The following RPS20 variants were observed in gnomAD, a reference collection of about 807,000 sequenced individuals.
RPS20 encodes ribosomal protein S20.
In RPS20, 3 loss-of-function variants were observed where a neutral mutation model predicts 15.3. That is an observed-to-expected ratio of 0.20 (90% confidence interval 0.09 to 0.51). The LOEUF (loss-of-function observed/expected upper bound fraction) is 0.51, where lower values mean the gene tolerates loss of function less well. Among genes scored for constraint, RPS20 ranks in the 20% least tolerant of loss-of-function variants. The pLI is 0.96. For synonymous variants in RPS20, 62 were observed against 47.8 expected (o/e 1.30, Z -1.23); for missense variants, 67 against 145.9 (o/e 0.46, Z 2.79).
At chr8:56,070,319 A>T (rs1053609733), downstream of RPS20, among the ~76,000 whole-genome samples, 2 of 152,122 alleles carry the variant, frequency 1.3e-5, no homozygotes, top group African/African-American at 4.8e-5. Context: ...CTCCATAACC[A>T]AGTAACTAAT....
At position 56,074,375 on chromosome 8, in the gene RPS20, C is replaced by T; in HGVS notation, c.3+6G>A. On this transcript the variant is annotated splice_donor_region_variant and intron_variant, in intron 1 of 3. Transcript: ENST00000009589. ...TTGCGCCGCCCGCCGCCGACTGCCGCCTCACCATGGCTGTTGCGCGCGGGC... is the reference window on the plus strand; with the variant it reads ...TTGCGCCGCCCGCCGCCGACTGCCGTCTCACCATGGCTGTTGCGCGCGGGC... 1 of 1,558,716 alleles carries T rather than the reference C, an allele frequency of 6.4e-7. No individual in the cohort carries two copies. The highest frequency in any genetic ancestry group is 8.6e-7 in the Non-Finnish European group (1 of 1,157,758).
chr8:56,068,614 C>G (rs1355965991), downstream of RPS20: 5 of 147,264 alleles, frequency 3.4e-5, no homozygotes, highest in East Asian at 9.9e-4. Flanking sequence ...GTCATGCAAT[C>G]AATAGGAGTC....
chr8:56,068,355 T>C (rs1309237431), downstream of RPS20: 1 of 152,128 alleles, frequency 6.6e-6, no homozygotes, highest in East Asian at 1.9e-4. Flanking sequence ...CTGGCCAAAA[T>C]GGCATAACCC....
At position 56,074,171 on chromosome 8, in the gene RPS20, T is replaced by C. The variant is rs1809861958; in HGVS notation, c.4-12A>G. 3.1e-6 allele frequency: 5 copies of C among 1,605,536 alleles called. No homozygotes were observed. The highest frequency in any genetic ancestry group is 4.2e-6 in the Non-Finnish European group (5 of 1,176,472). ...GTATCCTTAAAAGCCTATTATTAGATACATGAAAAAGAACAATAAGCCAAA... is the reference window on the plus strand; with the variant it reads ...GTATCCTTAAAAGCCTATTATTAGACACATGAAAAAGAACAATAAGCCAAA... On this transcript the variant is annotated splice_polypyrimidine_tract_variant and intron_variant, in intron 1 of 3. Transcript: ENST00000009589.
chr8:56,073,617 G>A, intron 3 of RPS20, 78 bp downstream of exon 3: 1 of 1,229,890 alleles, frequency 8.1e-7, no homozygotes, highest in Non-Finnish European at 1.2e-6. Flanking sequence ...AATTTTGGCA[G>A]CCGAACTCCT....
Position 56,073,222 on chromosome 8 carries a change from C to T in RPS20, c.228G>A (p.Thr76=), listed in dbSNP as rs540124601. Residue 76 remains threonine, a synonymous_variant, in exon 4 of 4, where the codon ACG becomes ACA. Transcript: ENST00000009589. ...RKTPCGEGSK[T]WDRFQMRIHK... ...GAATTCTCATCTGGAAACGATCCCA[C>T]GTCTTAGAACCTTCACCACAAGGAG... 555 of 1,606,120 alleles carry T rather than the reference C, an allele frequency of 3.5e-4. 3 individuals carry two copies. Among genetic ancestry groups the T allele is most frequent in the South Asian group, 3.4e-3 (309 of 91,080 alleles).
rs569842562 is a variant in RPS20 at position 56,074,481 on chromosome 8, C to G, written c.-98G>C. 7.5e-6 allele frequency: 10 copies of G among 1,334,886 alleles called. No individual in the cohort carries two copies. The highest frequency in any genetic ancestry group is 4.4e-5 in the African/African-American group (3 of 68,068). 82.7% of individuals were successfully genotyped at this position (1,334,886 alleles called of 1,614,324 possible). A position where few individuals can be genotyped will look rare whatever the true frequency, so the allele number is the denominator to read the frequency against. ...GCGTGCGGACCAAAAATCCTCAGCC[C>G]TTACGACCGCGTCTTCCTCAAAAAG... On this transcript the variant is annotated 5_prime_UTR_variant, in exon 1 of 4. Transcript: ENST00000009589.
chr8:56,073,332 C>G (rs1809821657), intron 3 of RPS20, 60 bp from the exon 4 acceptor site: 1 of 1,069,150 alleles, frequency 9.4e-7, no homozygotes, highest in African/African-American at 1.6e-5. Context: ...CCTAGAACAT[C>G]TGGAAAATCA....
At chr8:56,070,903 T>C (rs1809735343), downstream of RPS20, among the ~76,000 whole-genome samples, 3 of 152,242 alleles carry the variant, frequency 2.0e-5, no homozygotes, top group South Asian at 6.2e-4. Context: ...TTAACTCCCA[T>C]CCATACAAGA....
rs745355814 is a variant in RPS20, at chr8:56,074,421, C to A, written c.-38G>T. 6.4e-7 allele frequency: 1 copy of A among 1,550,826 alleles called. No individual in the cohort carries two copies. Among genetic ancestry groups the A allele is most frequent in the African/African-American group, 1.4e-5 (1 of 73,610 alleles). ...CGGGCTTCCTGACCGACTTGTTCCT[C>A]GGCGAGAGCGAACAGCGGTGAGTCA... On this transcript the variant is annotated 5_prime_UTR_variant, in exon 1 of 4. Transcript: ENST00000009589.
downstream of RPS20, among the ~76,000 whole-genome samples, chr8:56,071,857 T>C (rs1809765108): frequency 6.6e-6 from 1 of 152,248 alleles, no homozygotes; most frequent in African/African-American, 2.4e-5. Context: ...GAAGGCAATC[T>C]TAACAATTTG....
chr8:56,070,372 C>T (rs994199983), downstream of RPS20, among the ~76,000 whole-genome samples: 1 of 152,166 alleles, frequency 6.6e-6, no homozygotes, highest in African/African-American at 2.4e-5. Flanking sequence ...GATTCTACTT[C>T]TGTACTCTTG....
At chr8:56,074,303 G>A in intron 1 of RPS20, 78 bp downstream of exon 1, 8 of 1,545,814 alleles carry the variant, frequency 5.2e-6, no homozygotes, top group Non-Finnish European at 7.0e-6. Flanking sequence ...TCTGCCCTCA[G>A]GAGCACGAAC....
At position 56,073,727 on chromosome 8, in the gene RPS20, T is replaced by C. The variant is rs771623777; in HGVS notation, c.145A>G (p.Lys49Glu). The C allele has an allele frequency of 1.2e-6, 2 of 1,614,162 alleles. No homozygotes were observed. The highest frequency in any genetic ancestry group is 1.1e-5 in the South Asian group (1 of 91,086). Residue 49 changes from lysine to glutamate, a missense_variant, in exon 3 of 4, where the codon AAA becomes GAA. Coordinates refer to ENST00000009589, the MANE Select transcript of RPS20 (RefSeq NM_001023.4). Reference protein sequence around the residue: ...LIRGAKEKNLKVKGPVRMPTK... With the variant: ...LIRGAKEKNLEVKGPVRMPTK... ...GGCATTCGAACTGGTCCTTTCACTT[T>C]GAGATTCTTTTCTTTTGCGCCTCTT...
downstream of RPS20, among the ~76,000 whole-genome samples, chr8:56,071,349 G>A (rs534844668): frequency 6.6e-6 from 1 of 152,278 alleles, no homozygotes; most frequent in South Asian, 2.1e-4. Flanking sequence ...TTGTCTGGGG[G>A]CCACGTATTG....
In RPS20 at chr8:56,073,762, G is replaced by C. The variant is rs1467125889; in HGVS notation, c.110C>G (p.Ala37Gly). The change falls in exon 3 of 4, where the codon GCT becomes GGT. Residue 37 changes from alanine (A) to glycine (G), a missense_variant. Ala to Gly is a moderately conservative substitution (Grantham distance 60). Coordinates refer to ENST00000009589, the MANE Select transcript of RPS20 (RefSeq NM_001023.4). ...RNVKSLEKVC[A>G]DLIRGAKEKN... ...TTCTTTTGCGCCTCTTATCAAGTCA[G>C]CACACACTACAGGAAATAAAAGACC... The C allele has an allele frequency of 2.5e-6, 4 of 1,613,864 alleles. No homozygotes were observed. Among genetic ancestry groups the C allele is most frequent in the Non-Finnish European group, 2.5e-6 (3 of 1,179,788 alleles).
downstream of RPS20, among the ~76,000 whole-genome samples, chr8:56,071,247 T>G (rs996845261): frequency 1.3e-5 from 2 of 152,204 alleles, no homozygotes; most frequent in African/African-American, 4.8e-5. Flanking sequence ...TGGACTTTAG[T>G]GACATTTTTT....
chr8:56,068,807 CTTTTTTTTTTTTTTTTTTT>C (rs61576194), downstream of RPS20, among the ~76,000 whole-genome samples: 27 of 27,692 alleles, frequency 9.8e-4, no homozygotes, highest in South Asian at 0.011. Context: ...GTGAAAATAT[CTTTTTTTTTTTTTTTTTTT>C]TTTTTTTTTT....
downstream of RPS20, chr8:56,069,724 G>A (rs78022071): frequency 1.1e-3 from 1,744 of 1,550,878 alleles, 29 homozygotes; most frequent in East Asian, 0.035. Flanking sequence ...CTTTTTTGGC[G>A]GAGGAGAATG....
Sources: allele counts gnomAD v4.1 joint callset (sites outside exome capture counted in the v4.1 genomes callset), GRCh38; gene constraint gnomAD v4.1.1; transcripts MANE v1.5; gene names NCBI Gene and HGNC (gene_info 2026-07-23, HGNC 2026-07-21).